Variants in ESRRG observed in about 807,000 individuals in gnomAD.
ESRRG encodes estrogen-related receptor gamma.
In ESRRG, 13 loss-of-function variants were observed where a neutral mutation model predicts 44.0. The ratio of observed to expected loss-of-function variants is 0.30; its 90% CI spans 0.19 to 0.47. The LOEUF (loss-of-function observed/expected upper bound fraction) is 0.47. ESRRG is among the 20% of genes least tolerant of loss of function. The pLI, the probability that ESRRG is intolerant of heterozygous loss-of-function variation, is 1.00. For missense variants in ESRRG, 395 were observed against 580.6 expected, an observed-to-expected ratio of 0.68 and a Z score of 3.29; for synonymous variants, 215 against 214.6, an observed-to-expected ratio of 1.00 and a Z score of -0.02.
At chr1:216,690,702 G>C (rs538865606) in intron 1 of ESRRG, among the ~76,000 whole-genome samples, 6 of 152,040 alleles carry the variant, frequency 3.9e-5, no homozygotes, top group Non-Finnish European at 7.4e-5. Flanking sequence ...GTACCAGATC[G>C]TAAATAACCA....
intron 1 of ESRRG, among the ~76,000 whole-genome samples, chr1:217,009,792 G>A (rs2078281284): frequency 7.0e-6 from 1 of 141,982 alleles, no homozygotes; most frequent in Non-Finnish European, 1.5e-5. Flanking sequence ...TGCAACCTCT[G>A]CCTCCTGGGT....
chr1:216,883,200 A>G (rs2096470626), intron 2 of ESRRG, among the ~76,000 whole-genome samples: 1 of 151,884 alleles, frequency 6.6e-6, no homozygotes, highest in East Asian at 1.9e-4. Context: ...CAACTTGGTG[A>G]AAGAAACCCT....
rs78893957 is a variant in ESRRG, at chr1:216,645,230, T to A, written c.589+5743A>T. ...TGCTCCCCTAGGAAGATGAAAAGCA[T>A]TAGAAGAATTTTCAGTTAAGACAAA... On this transcript the variant is annotated intron_variant, in intron 3 of 6. Transcript: ENST00000408911. Among the ~76,000 whole-genome samples the A allele has an allele frequency of 7.9e-3, 1,199 of 152,156 alleles. 15 individuals are homozygous for A. Among genetic ancestry groups the A allele is most frequent in the African/African-American group, 0.025 (1,053 of 41,524 alleles).
chr1:216,976,174 T>C (rs2072841154), intron 1 of ESRRG, among the ~76,000 whole-genome samples: 1 of 151,952 alleles, frequency 6.6e-6, no homozygotes, highest in South Asian at 2.1e-4. Context: ...TTGGTAGAAA[T>C]TAAAGGTAGA....
At chr1:216,828,605 G>A (rs912082155) in intron 2 of ESRRG, among the ~76,000 whole-genome samples, 11 of 152,148 alleles carry the variant, frequency 7.2e-5, no homozygotes, top group African/African-American at 2.4e-4. Context: ...GAGATTATTT[G>A]TTGTCTCTAC....
At chr1:216,594,071 C>T (rs1264026598) in intron 3 of ESRRG, among the ~76,000 whole-genome samples, 1 of 152,094 alleles carries the variant, frequency 6.6e-6, no homozygotes, top group Non-Finnish European at 1.5e-5. Context: ...TATAAGGAAA[C>T]TTATTGGCAT....
chr1:216,533,781 T>C lies in ESRRG; in HGVS notation c.863-14360A>G, dbSNP rs145472811. 6.8e-3 allele frequency among the ~76,000 whole-genome samples: 1,029 copies of C among 152,196 alleles called. 5 individuals are homozygous for C. The highest frequency in any genetic ancestry group is 0.023 in the African/African-American group (974 of 41,546). ...CCTAATGCTTTTAGGACAAGACAGA[T>C]CCCATTTTTCAGCTACTAGCACCTT... is the stretch of plus-strand genomic sequence containing the variant. On this transcript the variant is annotated intron_variant, in intron 5 of 6. Coordinates refer to ENST00000408911, the MANE Select transcript of ESRRG (RefSeq NM_001438.4).
chr1:216,534,911 G>A (rs565228285), intron 5 of ESRRG, among the ~76,000 whole-genome samples: 2 of 152,194 alleles, frequency 1.3e-5, no homozygotes, highest in Admixed American at 6.5e-5. Context: ...TGTCTGCAAT[G>A]TGGCTTATCC....
intron 1 of ESRRG, among the ~76,000 whole-genome samples, chr1:216,951,116 A>C (rs1264344626): frequency 1.3e-5 from 2 of 152,194 alleles, no homozygotes; most frequent in East Asian, 1.9e-4. Flanking sequence ...TCCTGTCAAC[A>C]GCAGCATGTT....
chr1:216,996,311 G>A (rs2150579038), intron 1 of ESRRG, among the ~76,000 whole-genome samples: 1 of 152,184 alleles, frequency 6.6e-6, no homozygotes, highest in African/African-American at 2.4e-5. Context: ...ACATGCAGAG[G>A]ACTGGAAGTA....
chr1:216,934,523 A>G (rs1199867223), intron 2 of ESRRG, among the ~76,000 whole-genome samples: 2 of 152,176 alleles, frequency 1.3e-5, no homozygotes, highest in Admixed American at 1.3e-4. Flanking sequence ...TGGCCTCACA[A>G]TCACGGTGGA....
At chr1:216,858,397 A>G (rs1162519490) in intron 2 of ESRRG, among the ~76,000 whole-genome samples, 1 of 152,114 alleles carries the variant, frequency 6.6e-6, no homozygotes, top group Non-Finnish European at 1.5e-5. Context: ...AGATTGTACC[A>G]TTGCACTACA....
At position 216,634,681 on chromosome 1, in the gene ESRRG, A is replaced by AG. The variant is rs1000535488; in HGVS notation, c.589+16291dup. Among the ~76,000 whole-genome samples, 248 of 152,242 alleles carry AG rather than the reference A, an allele frequency of 1.6e-3. 1 individual carries two copies. Among genetic ancestry groups the AG allele is most frequent in the African/African-American group, 5.8e-3 (241 of 41,552 alleles). On this transcript the variant is annotated intron_variant, in intron 3 of 6. Coordinates refer to ENST00000408911, the MANE Select transcript of ESRRG (RefSeq NM_001438.4). ...CGTCCACCCAGCGAGCAGACTGCCCAGGGGGGACAGTCTCCACCTCACTGA... is the reference window on the plus strand; with the variant it reads ...CGTCCACCCAGCGAGCAGACTGCCCAGGGGGGGACAGTCTCCACCTCACTGA...
intron 2 of ESRRG, among the ~76,000 whole-genome samples, chr1:216,668,442 A>C (rs12027901): frequency 0.14 from 20,939 of 152,246 alleles, 2,100 homozygotes; most frequent in East Asian, 0.43. Flanking sequence ...ATAGAGTAAC[A>C]TAATGCTATG....
intron 1 of ESRRG, among the ~76,000 whole-genome samples, chr1:217,108,238 C>A (rs943607429): frequency 6.6e-6 from 1 of 152,116 alleles, no homozygotes; most frequent in African/African-American, 2.4e-5. Flanking sequence ...AAATGTTAGT[C>A]ATCCTTCAAA....
chr1:216,770,019 T>C (rs532675581), intron 2 of ESRRG, among the ~76,000 whole-genome samples: 4 of 151,946 alleles, frequency 2.6e-5, no homozygotes, highest in African/African-American at 9.6e-5. Flanking sequence ...CAAGGAAAAC[T>C]GAGAAGTGAA....
chr1:217,125,888 GA>G (rs1193099610), intron 1 of ESRRG, among the ~76,000 whole-genome samples: 2 of 152,152 alleles, frequency 1.3e-5, no homozygotes, highest in Non-Finnish European at 2.9e-5. Flanking sequence ...CCTGATGCTT[GA>G]ATTTGCTGTG....
chr1:216,838,922 A>G (rs1047354985), intron 2 of ESRRG, among the ~76,000 whole-genome samples: 2 of 152,124 alleles, frequency 1.3e-5, no homozygotes, highest in Admixed American at 1.3e-4. Flanking sequence ...CTGCTGATTG[A>G]TTAGAGTGGT....
chr1:216,937,557 A>G (rs11572495), intron 2 of ESRRG, among the ~76,000 whole-genome samples: 18,108 of 152,202 alleles, frequency 0.12, 1,415 homozygotes, highest in Admixed American at 0.17. Context: ...TTTGAATTTA[A>G]GAACCACTGA....
Sources: gnomAD v4.1 joint callset for allele counts (sites outside exome capture counted in the v4.1 genomes callset) on GRCh38, gnomAD v4.1.1 for gene constraint, MANE v1.5 for transcripts, NCBI Gene and HGNC (gene_info 2026-07-23, HGNC 2026-07-21) for gene names.